CEP85L: variants seen among roughly 807,000 people sequenced by gnomAD.
CEP85L encodes centrosomal protein of 85 kDa-like.
CEP85L carries 60 observed loss-of-function variants against 100.3 expected under a neutral mutation model. The ratio of observed to expected loss-of-function variants is 0.60; its 90% CI spans 0.49 to 0.74. The LOEUF (loss-of-function observed/expected upper bound fraction) is 0.74. Ranked by LOEUF, CEP85L falls within the 30% of genes least tolerant of loss-of-function variation. The pLI is 0.00. For missense variants in CEP85L, 973 were observed against 936.2 expected, an observed-to-expected ratio of 1.04 and a Z score of -0.51; for synonymous variants, 319 against 322.7, an observed-to-expected ratio of 0.99 and a Z score of 0.12.
intron 1 of CEP85L, among the ~76,000 whole-genome samples, chr6:118,709,161 G>A (rs1295529811): frequency 2.0e-5 from 3 of 152,026 alleles, no homozygotes; most frequent in East Asian, 3.9e-4. Flanking sequence ...ACCCATGAGC[G>A]TGAGTTCTCT....
chr6:118,676,127 T>C (rs1350806084), intron 1 of CEP85L, among the ~76,000 whole-genome samples: 1 of 152,200 alleles, frequency 6.6e-6, no homozygotes, highest in Non-Finnish European at 1.5e-5. Context: ...ATAATAATTG[T>C]ATATATTTAT....
chr6:118,470,641 T>A lies in CEP85L; in HGVS notation c.1918A>T (p.Met640Leu). ...TTCTCTTTAGAAAGCTTTCCTTGCA[T>A]AGACTAGAATTTTTAAAAAAATTGG... ...IDRMILEIQS[M>L]QGKLSKEKLT... is the part of the protein sequence containing the mutation. The change falls in exon 11 of 13, where the codon ATG becomes TTG. Residue 640 changes from methionine to leucine, a missense_variant. Coordinates refer to ENST00000368491, the MANE Select transcript of CEP85L (RefSeq NM_001042475.3). 6.4e-7 allele frequency: 1 copy of A among 1,567,050 alleles called. No individual in the cohort carries two copies. Among genetic ancestry groups the A allele is most frequent in the Non-Finnish European group, 8.6e-7 (1 of 1,157,260 alleles).
intron 2 of CEP85L, among the ~76,000 whole-genome samples, chr6:118,627,833 T>C (rs1007362667): frequency 3.3e-5 from 5 of 152,352 alleles, no homozygotes; most frequent in African/African-American, 1.2e-4. Flanking sequence ...AAACTCTTTG[T>C]AGTTTTAACA....
chr6:118,504,973 A>G (rs1011405621), intron 5 of CEP85L, among the ~76,000 whole-genome samples: 3 of 152,158 alleles, frequency 2.0e-5, no homozygotes, highest in African/African-American at 7.2e-5. Context: ...ATATCACTAC[A>G]GCGGCTTTAC....
intron 3 of CEP85L, chr6:118,537,997 C>A (rs1401792567): frequency 1.4e-6 from 1 of 739,504 alleles, no homozygotes; most frequent in Non-Finnish European, 1.7e-6. Context: ...GAAAATAATA[C>A]AAATAACATA....
chr6:118,506,070 T>G (rs1162662585), intron 5 of CEP85L, among the ~76,000 whole-genome samples: 1 of 152,130 alleles, frequency 6.6e-6, no homozygotes, highest in Admixed American at 6.5e-5. Flanking sequence ...AGTTAATAAA[T>G]TTTTAAAAAG....
chr6:118,537,016 A>G (rs10484287), intron 3 of CEP85L, among the ~76,000 whole-genome samples: 107,710 of 151,976 alleles, frequency 0.71, 38,890 homozygotes, highest in African/African-American at 0.75. Context: ...ACATCTTGAC[A>G]ATATCCCAGA....
At chr6:118,574,212 C>T (rs1780079087) in intron 2 of CEP85L, 1 of 152,290 alleles carries the variant, frequency 6.6e-6, no homozygotes, top group South Asian at 2.1e-4. Flanking sequence ...CTCTTCCCAC[C>T]TTAGCAACAA....
chr6:118,647,026 T>G (rs1026756661), intron 1 of CEP85L: 8 of 985,374 alleles, frequency 8.1e-6, no homozygotes, highest in Non-Finnish European at 9.6e-6. Flanking sequence ...GATTCACCCC[T>G]TACCCCCCAA....
chr6:118,472,416 T>A (rs574289909), intron 10 of CEP85L, among the ~76,000 whole-genome samples: 1 of 152,262 alleles, frequency 6.6e-6, no homozygotes, highest in Admixed American at 6.5e-5. Context: ...GATAGGCTTA[T>A]CCTGAAAGGA....
intron 2 of CEP85L, among the ~76,000 whole-genome samples, chr6:118,621,641 G>A (rs1009335127): frequency 1.2e-4 from 18 of 152,120 alleles, no homozygotes; most frequent in African/African-American, 3.4e-4. Flanking sequence ...CTAGCTAATC[G>A]AGGGTACAAG....
intron 1 of CEP85L, among the ~76,000 whole-genome samples, chr6:118,664,243 G>C (rs1180961663): frequency 6.6e-6 from 1 of 152,094 alleles, no homozygotes; most frequent in Non-Finnish European, 1.5e-5. Context: ...ACAGTTGGTT[G>C]AATTCATGGT....
At chr6:118,537,633 T>A in intron 3 of CEP85L, 1 of 985,370 alleles carries the variant, frequency 1.0e-6, no homozygotes, top group South Asian at 4.7e-5. Flanking sequence ...CTATGAAAAG[T>A]TGCCAAAATA....
intron 1 of CEP85L, among the ~76,000 whole-genome samples, chr6:118,701,127 A>C (rs577629567): frequency 6.6e-5 from 10 of 152,318 alleles, no homozygotes; most frequent in African/African-American, 2.2e-4. Context: ...CCACCATGGA[A>C]ACGGCATTCA....
intron 4 of CEP85L, among the ~76,000 whole-genome samples, chr6:118,519,556 GT>G: frequency 7.9e-5 from 1 of 12,690 alleles, no homozygotes; most frequent in African/African-American, 2.0e-4. Context: ...GTGTGTGTGT[GT>G]GTGTGTGTGT....
intron 2 of CEP85L, among the ~76,000 whole-genome samples, chr6:118,577,946 A>G (rs767675177): frequency 2.0e-5 from 3 of 152,230 alleles, no homozygotes; most frequent in African/African-American, 7.2e-5. Context: ...AAAAGCCTTC[A>G]CCAAAACCCC....
intron 3 of CEP85L, among the ~76,000 whole-genome samples, chr6:118,551,581 A>G (rs1778548172): frequency 6.6e-6 from 1 of 152,052 alleles, no homozygotes; most frequent in Non-Finnish European, 1.5e-5. Context: ...CAACAGCAAT[A>G]AGCTAAATTG....
chr6:118,579,157 T>C (rs553107267), intron 2 of CEP85L, among the ~76,000 whole-genome samples: 2 of 152,076 alleles, frequency 1.3e-5, no homozygotes, highest in South Asian at 2.1e-4. Flanking sequence ...TGGCTTCCCA[T>C]AGTGTTGGGA....
At chr6:118,537,897 T>C in intron 3 of CEP85L, 1 of 985,268 alleles carries the variant, frequency 1.0e-6, no homozygotes, top group African/African-American at 1.7e-5. Context: ...TGGAATAGTC[T>C]ATCTGAAGAG....
Sources: allele counts gnomAD v4.1 joint callset (sites outside exome capture counted in the v4.1 genomes callset), GRCh38; gene constraint gnomAD v4.1.1; transcripts MANE v1.5; gene names NCBI Gene and HGNC (gene_info 2026-07-23, HGNC 2026-07-21).